The following XKR9 variants were observed in gnomAD, a reference collection of about 807,000 sequenced individuals.
XKR9 encodes XK related 9, also known as XK-related protein 9.
XKR9 carries 32 observed loss-of-function variants against 32.0 expected under a neutral mutation model. That is an observed-to-expected ratio of 1.00 (90% CI 0.76 to 1.34). The LOEUF is 1.34. XKR9 is among the 40% of genes most tolerant of loss of function. The probability of loss-of-function intolerance (pLI) is 0.00; values close to 1 mark genes in which losing one functional copy is unlikely to be tolerated. For missense variants in XKR9, 546 were observed against 429.7 expected, an observed-to-expected ratio of 1.27 and a Z score of -2.39; for synonymous variants, 168 against 143.4, an observed-to-expected ratio of 1.17 and a Z score of -1.22.
At chr8:70,971,867 A>G in the XKR9 span, among the ~76,000 whole-genome samples, 2 of 151,954 alleles carry the variant, frequency 1.3e-5, no homozygotes, top group Non-Finnish European at 2.9e-5. Flanking sequence ...CTATGGCCTT[A>G]TAGTATAGTT....
At chr8:70,968,130 GTTTCTTTTTATTCAAT>G in the XKR9 span, among the ~76,000 whole-genome samples, 2 of 152,042 alleles carry the variant, frequency 1.3e-5, no homozygotes, top group African/African-American at 4.8e-5. Flanking sequence ...AATTTTGTTT[GTTTCTTTTTATTCAAT>G]TTTCTCTATT....
At chr8:70,796,315 C>G in the XKR9 span, among the ~76,000 whole-genome samples, 1 of 152,026 alleles carries the variant, frequency 6.6e-6, no homozygotes, top group African/African-American at 2.4e-5. Flanking sequence ...GTAATGTCTT[C>G]CTTTCTGGGC....
the XKR9 span, among the ~76,000 whole-genome samples, chr8:70,829,639 G>A: frequency 7.3e-4 from 111 of 152,198 alleles, 1 homozygote; most frequent in African/African-American, 2.5e-3. Context: ...TAGTAGAGAC[G>A]GGGTTTCACT....
intron 2 of XKR9, among the ~76,000 whole-genome samples, chr8:70,783,265 C>T (rs1361688846): frequency 5.3e-5 from 8 of 151,114 alleles, no homozygotes; most frequent in African/African-American, 1.2e-4. Flanking sequence ...GTCTGACTCT[C>T]GCCCAGGCTG....
chr8:70,934,991 T>A, the XKR9 span, among the ~76,000 whole-genome samples: 1 of 151,452 alleles, frequency 6.6e-6, no homozygotes, highest in Non-Finnish European at 1.5e-5. Flanking sequence ...TCCCTCCATA[T>A]GTGTTTGGAT....
the XKR9 span, among the ~76,000 whole-genome samples, chr8:70,990,769 A>AAG: frequency 7.4e-4 from 77 of 103,986 alleles, no homozygotes; most frequent in African/African-American, 2.6e-3. Flanking sequence ...GAGAGAGAGA[A>AAG]AGAGAGAGAG....
In XKR9 at chr8:70,759,369, G is replaced by A. The variant is rs77520526; in HGVS notation, n.353-29970G>A. On this transcript the variant is annotated intron_variant and non_coding_transcript_variant, in intron 2 of 3. Transcript: ENST00000520273. ...GAAAGGGGGTGGAGAGAAAGGAAGG[G>A]AAGAAAAGGAAGAAAAAAGAGGAAT... Among the ~76,000 whole-genome samples the A allele has an allele frequency of 6.5e-3, 983 of 152,176 alleles. 11 individuals carry two copies. Among genetic ancestry groups the A allele is most frequent in the African/African-American group, 0.022 (919 of 41,520 alleles).
chr8:70,687,179 C>G (rs13268714), intron 3 of XKR9, among the ~76,000 whole-genome samples: 16,925 of 152,120 alleles, frequency 0.11, 1,101 homozygotes, highest in African/African-American at 0.17. Context: ...CAATTTTTAG[C>G]TCCAATGTAT....
At chr8:70,890,607 A>T in the XKR9 span, among the ~76,000 whole-genome samples, 1 of 151,988 alleles carries the variant, frequency 6.6e-6, no homozygotes, top group East Asian at 1.9e-4. Context: ...TACCATGTTT[A>T]TTGATTTGCA....
the XKR9 span, among the ~76,000 whole-genome samples, chr8:71,002,216 A>G: frequency 6.6e-6 from 1 of 151,952 alleles, no homozygotes; most frequent in African/African-American, 2.4e-5. Context: ...ATCATGTCCT[A>G]ATAGGCTGGG....
At chr8:70,873,956 C>G in the XKR9 span, among the ~76,000 whole-genome samples, 1 of 152,198 alleles carries the variant, frequency 6.6e-6, no homozygotes, top group Non-Finnish European at 1.5e-5. Context: ...CCAGCAACCC[C>G]CCTCCTGATG....
intron 3 of XKR9, among the ~76,000 whole-genome samples, chr8:70,705,306 C>T (rs375937701): frequency 1.3e-5 from 2 of 152,104 alleles, no homozygotes; most frequent in African/African-American, 4.8e-5. Flanking sequence ...AGATTACACT[C>T]TTGTGAGAAG....
intron 2 of XKR9, among the ~76,000 whole-genome samples, chr8:70,773,831 A>G (rs1563476203): frequency 2.0e-5 from 3 of 152,120 alleles, no homozygotes; most frequent in African/African-American, 7.2e-5. Flanking sequence ...TGGACTCTTC[A>G]TTTCTTTGTA....
At chr8:70,760,584 C>G (rs557226658) in intron 2 of XKR9, among the ~76,000 whole-genome samples, 41 of 152,308 alleles carry the variant, frequency 2.7e-4, no homozygotes, top group Admixed American at 5.2e-4. Context: ...GCCACACAAC[C>G]TTCCCCTTAG....
At chr8:71,024,561 C>A in the XKR9 span, among the ~76,000 whole-genome samples, 1 of 152,142 alleles carries the variant, frequency 6.6e-6, no homozygotes, top group Admixed American at 6.5e-5. Flanking sequence ...AGCTGACAAG[C>A]CAGAATGCAC....
chr8:70,929,372 G>C, the XKR9 span, among the ~76,000 whole-genome samples: 2 of 152,152 alleles, frequency 1.3e-5, no homozygotes, highest in African/African-American at 4.8e-5. Context: ...TTCCAGTGTG[G>C]CATTGTATTA....
chr8:70,922,575 G>C, the XKR9 span, among the ~76,000 whole-genome samples: 4 of 152,204 alleles, frequency 2.6e-5, no homozygotes, highest in African/African-American at 9.7e-5. Context: ...TTGTTGAAGA[G>C]ATGAAGAGGG....
the XKR9 span, among the ~76,000 whole-genome samples, chr8:70,926,138 G>A: frequency 1.3e-5 from 2 of 152,056 alleles, no homozygotes; most frequent in Non-Finnish European, 2.9e-5. Context: ...GCAATGGCGC[G>A]ATCTCGGCTC....
chr8:70,723,436 G>T (rs543261025), intron 4 of XKR9, among the ~76,000 whole-genome samples: 7 of 152,266 alleles, frequency 4.6e-5, no homozygotes, highest in Admixed American at 2.6e-4. Context: ...CCTCATCTTC[G>T]TGGATTTATC....
Sources: allele counts gnomAD v4.1 joint callset (sites outside exome capture counted in the v4.1 genomes callset), GRCh38; gene constraint gnomAD v4.1.1; transcripts MANE v1.5; gene names NCBI Gene and HGNC (gene_info 2026-07-23, HGNC 2026-07-21).